DLG1: variants seen among roughly 807,000 people sequenced by gnomAD.
DLG1 encodes disks large homolog 1.
In DLG1, 42 loss-of-function variants were observed where a neutral mutation model predicts 123.4. That is an observed-to-expected ratio of 0.34 (90% CI 0.27 to 0.44). DLG1 has a LOEUF of 0.44. Ranked by LOEUF, DLG1 falls within the 20% of genes least tolerant of loss-of-function variation. The pLI, the probability that DLG1 is intolerant of heterozygous loss-of-function variation, is 1.00. For missense variants in DLG1, 942 were observed against 1,082.6 expected (o/e 0.87, Z 1.82); for synonymous variants, 317 against 356.2 (o/e 0.89, Z 1.24).
At chr3:197,273,528 G>A (rs184959113) in intron 4 of DLG1, among the ~76,000 whole-genome samples, 101 of 152,068 alleles carry the variant, frequency 6.6e-4, no homozygotes, top group African/African-American at 2.2e-3. Flanking sequence ...GTGAGCCACC[G>A]CACCCGGCTG....
chr3:197,158,657 A>T (rs1433563744), intron 5 of DLG1, among the ~76,000 whole-genome samples: 3 of 109,964 alleles, frequency 2.7e-5, no homozygotes, highest in Non-Finnish European at 5.8e-5. Context: ...AAAAAAAAAA[A>T]GCCCAGAGGC....
intron 22 of DLG1, among the ~76,000 whole-genome samples, chr3:197,064,317 C>T (rs145930280): frequency 0.014 from 2,122 of 152,024 alleles, 26 homozygotes; most frequent in Non-Finnish European, 0.024. Flanking sequence ...CCTCAGCCTC[C>T]TGAGAAGCTG....
At chr3:197,076,449 TA>T in intron 18 of DLG1, 136 bp downstream of exon 18, 1 of 529,832 alleles carries the variant, frequency 1.9e-6, no homozygotes, top group Non-Finnish European at 3.4e-6. Flanking sequence ...AATTAATTTA[TA>T]ACTGTTAAGT....
chr3:197,215,099 G>T (rs1733409128), intron 4 of DLG1, among the ~76,000 whole-genome samples: 1 of 152,142 alleles, frequency 6.6e-6, no homozygotes, highest in Non-Finnish European at 1.5e-5. Flanking sequence ...TGTGATAGCA[G>T]CGAAACTTGT....
At chr3:197,286,630 A>G (rs1771993806) in intron 3 of DLG1, among the ~76,000 whole-genome samples, 1 of 152,210 alleles carries the variant, frequency 6.6e-6, no homozygotes, top group Admixed American at 6.5e-5. Context: ...TGTGCACATC[A>G]GATTTGTCAA....
chr3:197,051,609 T>C lies in DLG1; in HGVS notation c.2543A>G (p.Lys848Arg). 2 of 1,614,064 alleles carry C rather than the reference T, an allele frequency of 1.2e-6. No homozygotes were observed. The highest frequency in any genetic ancestry group is 2.2e-5 in the East Asian group (1 of 44,884). The change falls in exon 24 of 25, where the codon AAA becomes AGA. Residue 848 changes from lysine to arginine, a missense_variant. Transcript: ENST00000667157. The part of the protein sequence containing the change: ...QARKTFERAM[K>R]LEQEFTEHFT... ...ATGTTCAGTAAACTCCTGTTCCAGTTTCATGGCTCTCTCAAATGTTTTTCT... is the reference window on the plus strand; with the variant it reads ...ATGTTCAGTAAACTCCTGTTCCAGTCTCATGGCTCTCTCAAATGTTTTTCT...
intron 5 of DLG1, among the ~76,000 whole-genome samples, chr3:197,157,040 A>G (rs933746640): frequency 6.6e-6 from 1 of 152,190 alleles, no homozygotes; most frequent in Admixed American, 6.5e-5. Flanking sequence ...AACCATATAC[A>G]AAACACACAC....
chr3:197,248,966 A>G (rs568334368), intron 4 of DLG1, among the ~76,000 whole-genome samples: 2 of 152,224 alleles, frequency 1.3e-5, no homozygotes, highest in African/African-American at 2.4e-5. Context: ...TAGGCTACAG[A>G]GCAAGACTAT....
chr3:197,296,683 A>G (rs1403141554), intron 2 of DLG1: 4 of 472,604 alleles, frequency 8.5e-6, no homozygotes, highest in African/African-American at 3.9e-5. Flanking sequence ...ATTTAAACAT[A>G]TATCACATTA....
intron 5 of DLG1, chr3:197,183,759 C>T (rs1310665700): frequency 1.9e-5 from 29 of 1,550,340 alleles, no homozygotes; most frequent in Non-Finnish European, 2.4e-5. Context: ...ATTGCCTCCT[C>T]GACTGCCGCG....
intron 14 of DLG1, among the ~76,000 whole-genome samples, chr3:197,099,337 A>G (rs1762254358): frequency 6.6e-6 from 1 of 152,176 alleles, no homozygotes; most frequent in South Asian, 2.1e-4. Flanking sequence ...AGTGCTAACC[A>G]CTACACCTAT....
At chr3:197,235,753 C>T (rs934020518) in intron 4 of DLG1, among the ~76,000 whole-genome samples, 1 of 152,106 alleles carries the variant, frequency 6.6e-6, no homozygotes, top group African/African-American at 2.4e-5. Context: ...TGAAAAATAA[C>T]CAGATATGCA....
At chr3:197,065,907 C>G in intron 20 of DLG1, 98 bp from the exon 21 acceptor site, 1 of 745,648 alleles carries the variant, frequency 1.3e-6, no homozygotes, top group Non-Finnish European at 2.2e-6. Context: ...ACTGTTATGA[C>G]TAATTTTTTT....
rs755545302 is a variant in DLG1 at position 197,282,852 on chromosome 3, G to C, written c.152-7C>G. On this transcript the variant is annotated splice_polypyrimidine_tract_variant and splice_region_variant and intron_variant, in intron 3 of 24. Transcript: ENST00000667157. ...TCATAAAATTCTTGAATATCTAGAA[G>C]AAGGAAAATAAAAATTCATAAGTAT... is the stretch of plus-strand genomic sequence containing the variant. 5 of 1,468,532 alleles carry C rather than the reference G, an allele frequency of 3.4e-6. No homozygotes were observed. Among genetic ancestry groups the C allele is most frequent in the Non-Finnish European group, 4.6e-6 (5 of 1,077,118 alleles). The allele number at this position is 1,468,532 out of a possible 1,614,324, so 91.0% of individuals were successfully genotyped here. A position where few individuals can be genotyped will look rare whatever the true frequency, so the allele number is the denominator to read the frequency against.
At chr3:197,158,689 C>CACACCTCT (rs1561121012) in intron 5 of DLG1, among the ~76,000 whole-genome samples, 1 of 143,776 alleles carries the variant, frequency 7.0e-6, no homozygotes, top group African/African-American at 2.6e-5. Flanking sequence ...CTGCTCTGGA[C>CACACCTCT]ATACCTCTAA....
At chr3:197,083,543 C>T (rs1752421087) in intron 16 of DLG1, among the ~76,000 whole-genome samples, 1 of 152,148 alleles carries the variant, frequency 6.6e-6, no homozygotes, top group South Asian at 2.1e-4. Flanking sequence ...AAAGCAGAGA[C>T]ACTCAACAGC....
chr3:197,285,521 A>G (rs968339957), intron 3 of DLG1, among the ~76,000 whole-genome samples: 3 of 152,136 alleles, frequency 2.0e-5, no homozygotes, highest in African/African-American at 7.2e-5. Context: ...CATACCCAAT[A>G]AAGGACTAAT....
intron 11 of DLG1, among the ~76,000 whole-genome samples, chr3:197,121,149 A>G (rs1255572709): frequency 6.6e-6 from 1 of 152,164 alleles, no homozygotes; most frequent in African/African-American, 2.4e-5. Flanking sequence ...CATCCAGACT[A>G]TCCCTTTAGT....
At chr3:197,189,534 C>G (rs777196481) in intron 5 of DLG1, among the ~76,000 whole-genome samples, 5 of 152,042 alleles carry the variant, frequency 3.3e-5, no homozygotes, top group Non-Finnish European at 5.9e-5. Context: ...AGCCAGCAAA[C>G]CAAAGTGAGG....
Sources: gnomAD v4.1 joint callset for allele counts (sites outside exome capture counted in the v4.1 genomes callset) on GRCh38, gnomAD v4.1.1 for gene constraint, MANE v1.5 for transcripts, NCBI Gene and HGNC (gene_info 2026-07-23, HGNC 2026-07-21) for gene names.